Variants in MYO5B observed in about 807,000 individuals in gnomAD.
MYO5B encodes the protein myosin VB.
A neutral mutation model predicts 229.3 loss-of-function variants in MYO5B; 143 were observed. The observed-to-expected ratio is 0.62, with a 90% CI of 0.54 to 0.72. The LOEUF (loss-of-function observed/expected upper bound fraction) is 0.72, where lower values mean the gene tolerates loss of function less well. Among genes scored for constraint, MYO5B ranks in the 30% least tolerant of loss-of-function variants. The pLI, the probability that MYO5B is intolerant of heterozygous loss-of-function variation, is 0.00. For synonymous variants in MYO5B, 918 were observed against 885.2 expected (o/e 1.04, Z -0.66); for missense variants, 2,321 against 2,331.0 (o/e 1.00, Z 0.09).
intron 22 of MYO5B, among the ~76,000 whole-genome samples, chr18:49,887,946 A>G (rs1183591789): frequency 6.6e-6 from 1 of 152,078 alleles, no homozygotes; most frequent in Admixed American, 6.5e-5. Context: ...TCAGCCTCCC[A>G]AAGTGCTGGG....
At chr18:50,173,583 T>G (rs1379924398) in intron 1 of MYO5B, among the ~76,000 whole-genome samples, 2 of 152,082 alleles carry the variant, frequency 1.3e-5, no homozygotes, top group African/African-American at 2.4e-5. Flanking sequence ...TCGTGGTGGC[T>G]GGAGGTCAGA....
At position 49,963,219 on chromosome 18, in the gene MYO5B, T is replaced by C. The variant is rs68106090; in HGVS notation, c.1323-189A>G. ...ACAGAGCCTAATTGAAGAACATGTCTATTTTCAAAACTAGAAAAAGTAATG... is the reference window on the plus strand; with the variant it reads ...ACAGAGCCTAATTGAAGAACATGTCCATTTTCAAAACTAGAAAAAGTAATG... On this transcript the variant is annotated intron_variant, in intron 10 of 39. Coordinates refer to ENST00000285039, the MANE Select transcript of MYO5B (RefSeq NM_001080467.3). 5.3e-5 allele frequency among the ~76,000 whole-genome samples: 8 copies of C among 152,018 alleles called. No individual in the cohort carries two copies. The East Asian group carries it at 1.5e-3, about 29-fold the overall frequency.
intron 17 of MYO5B, among the ~76,000 whole-genome samples, 187 bp from the exon 18 acceptor site, chr18:49,912,360 G>A (rs1303713107): frequency 6.6e-6 from 1 of 152,148 alleles, no homozygotes; most frequent in African/African-American, 2.4e-5. Flanking sequence ...CACTGTGAAT[G>A]TGATTCTTGG....
rs9945925 is a variant in MYO5B, at chr18:49,958,497, C to A, written c.1545+3769G>T. Among the ~76,000 whole-genome samples, 910 of 152,220 alleles carry A rather than the reference C, an allele frequency of 6.0e-3. 8 individuals carry two copies. Among genetic ancestry groups the A allele is most frequent in the African/African-American group, 0.02 (851 of 41,540 alleles). Reference sequence around the variant, plus strand: ...AGGAAATCCCAAATTCCTGTCCTAACGTGCAGAAACTCATCTGCACCCACA... The same window carrying A: ...AGGAAATCCCAAATTCCTGTCCTAAAGTGCAGAAACTCATCTGCACCCACA... On this transcript the variant is annotated intron_variant, in intron 12 of 39. Transcript: ENST00000285039.
At chr18:50,105,817 G>T (rs72917884) in intron 1 of MYO5B, among the ~76,000 whole-genome samples, 1 of 151,786 alleles carries the variant, frequency 6.6e-6, no homozygotes, top group Non-Finnish European at 1.5e-5. Context: ...AAAGACAAAA[G>T]CATGAAGTCA....
At chr18:49,884,752 G>C (rs1048121357) in intron 22 of MYO5B, among the ~76,000 whole-genome samples, 4 of 152,104 alleles carry the variant, frequency 2.6e-5, no homozygotes, top group African/African-American at 9.7e-5. Context: ...TGTGATACAT[G>C]ACTCATAGCA....
At chr18:50,093,521 C>A (rs2031491180) in intron 1 of MYO5B, among the ~76,000 whole-genome samples, 1 of 152,146 alleles carries the variant, frequency 6.6e-6, no homozygotes, top group African/African-American at 2.4e-5. Context: ...CAGAGCAACT[C>A]CATCTGGAAG....
chr18:50,194,957 GCTCGCTCCCGGCGGCGCGACCTTTA>G lies in MYO5B; in HGVS notation c.-189_-165del. On this transcript the variant is annotated 5_prime_UTR_variant, in exon 1 of 40. Coordinates refer to ENST00000285039, the MANE Select transcript of MYO5B (RefSeq NM_001080467.3). Reference sequence around the variant, plus strand: ...CGGCTTCCCGCAGGCGCCGCGGCCGGCTCGCTCCCGGCGGCGCGACCTTTACTCCCGCCGCGGCGGCGCAGCTACG... The same window carrying G: ...CGGCTTCCCGCAGGCGCCGCGGCCGGCTCCCGCCGCGGCGGCGCAGCTACG... The G allele has an allele frequency of 1.9e-6, 2 of 1,047,854 alleles. No homozygotes were observed. The highest frequency in any genetic ancestry group is 2.4e-6 in the Non-Finnish European group (2 of 828,806). The allele number at this position is 1,047,854 out of a possible 1,614,324, so 64.9% of individuals were successfully genotyped here.
intron 1 of MYO5B, among the ~76,000 whole-genome samples, chr18:50,060,320 GAGCC>G (rs1250923842): frequency 2.6e-5 from 4 of 152,116 alleles, no homozygotes; most frequent in Non-Finnish European, 5.9e-5. Context: ...ATTATTTTAT[GAGCC>G]AGCCAAACTC....
chr18:50,030,876 G>GAAAAAAAAAAAAAAAAAAAAAAAAAAA lies in MYO5B; in HGVS notation c.455+5947_455+5973dup, dbSNP rs869189090. On this transcript the variant is annotated intron_variant, in intron 4 of 39. Transcript: ENST00000285039. ...TCTGCAGCATCCCCACTCCCTTTCA[G>GAAAAAAAAAAAAAAAAAAAAAAAAAAA]AAAAAAAAAAAAAAAAAAAAAAAAA... Among the ~76,000 whole-genome samples, 29 of 30,500 alleles carry GAAAAAAAAAAAAAAAAAAAAAAAAAAA rather than the reference G, an allele frequency of 9.5e-4. 1 individual carries two copies. The highest frequency in any genetic ancestry group is 1.2e-3 in the Non-Finnish European group (20 of 17,216). The allele number at this position is 30,500 out of a possible 152,430, so 20.0% of individuals were successfully genotyped here.
intron 5 of MYO5B, among the ~76,000 whole-genome samples, chr18:49,996,986 C>T (rs964504271): frequency 8.5e-5 from 13 of 152,132 alleles, no homozygotes; most frequent in African/African-American, 2.2e-4. Context: ...CCCTAAAAAG[C>T]GTGAACACTT....
chr18:50,149,814 G>C (rs1163826777), intron 1 of MYO5B, among the ~76,000 whole-genome samples: 1 of 151,622 alleles, frequency 6.6e-6, no homozygotes, highest in Admixed American at 6.6e-5. Flanking sequence ...GCAATGGCAA[G>C]AGCCAAAATT....
At chr18:49,851,160 A>G (rs2024196245) in intron 31 of MYO5B, 1 of 152,244 alleles carries the variant, frequency 6.6e-6, no homozygotes, top group Admixed American at 6.5e-5. Context: ...AGAAGGAAAG[A>G]TTAATCCAGG....
At chr18:49,863,903 T>C (rs985345541) in intron 28 of MYO5B, among the ~76,000 whole-genome samples, 5 of 152,206 alleles carry the variant, frequency 3.3e-5, no homozygotes, top group African/African-American at 7.2e-5. Flanking sequence ...AGGTTACCTA[T>C]TAAACATCTT....
chr18:50,033,920 G>C (rs142844696), intron 4 of MYO5B, among the ~76,000 whole-genome samples: 153 of 151,724 alleles, frequency 1.0e-3, no homozygotes, highest in African/African-American at 3.3e-3. Context: ...CTTGGGGGGT[G>C]GGTATGGGGG....
In MYO5B at chr18:49,991,862, A is replaced by G. The variant is rs562855978; in HGVS notation, c.756+426T>C. Among the ~76,000 whole-genome samples, 3 of 152,324 alleles carry G rather than the reference A, an allele frequency of 2.0e-5. No homozygotes were observed. The South Asian group carries it at 6.2e-4, about 32-fold the overall frequency. On this transcript the variant is annotated intron_variant, in intron 6 of 39. Transcript: ENST00000285039. ...TGGGACATCCACTTATTTGAAAAGA[A>G]AACTAAGTAGGTAGCCAAGTATAAT...
intron 8 of MYO5B, among the ~76,000 whole-genome samples, chr18:49,984,342 G>T (rs2025847878): frequency 6.6e-6 from 1 of 152,150 alleles, no homozygotes; most frequent in African/African-American, 2.4e-5. Flanking sequence ...AGGTGCACTG[G>T]GTGTGCGCAA....
At chr18:49,868,329 A>AG (rs541439579) in intron 27 of MYO5B, among the ~76,000 whole-genome samples, 1 of 152,236 alleles carries the variant, frequency 6.6e-6, no homozygotes, top group African/African-American at 2.4e-5. Flanking sequence ...AGAAAAAAAA[A>AG]CACTCGAAGG....
At chr18:49,872,592 G>C (rs142807222) in intron 26 of MYO5B, among the ~76,000 whole-genome samples, 1 of 152,130 alleles carries the variant, frequency 6.6e-6, no homozygotes, top group Admixed American at 6.5e-5. Context: ...TTGCAAATAG[G>C]GTCTTTGCAG....
Sources: gnomAD v4.1 joint callset for allele counts (sites outside exome capture counted in the v4.1 genomes callset) on GRCh38, gnomAD v4.1.1 for gene constraint, MANE v1.5 for transcripts, NCBI Gene and HGNC (gene_info 2026-07-23, HGNC 2026-07-21) for gene names.